The following NBPF3 variants were observed in gnomAD, a reference collection of about 807,000 sequenced individuals.
NBPF3 encodes NBPF member 3.
NBPF3 carries 57 observed loss-of-function variants against 78.1 expected under a neutral mutation model. The observed-to-expected ratio is 0.73, with a 90% CI of 0.59 to 0.91. The LOEUF (loss-of-function observed/expected upper bound fraction) is 0.91, where lower values mean the gene tolerates loss of function less well. NBPF3 is among the 40% of genes least tolerant of loss of function. The pLI is 0.00. For synonymous variants in NBPF3, 182 were observed against 271.7 expected (o/e 0.67, Z 3.25); for missense variants, 510 against 715.3 (o/e 0.71, Z 3.27).
At position 21,460,726 on chromosome 1, in the gene NBPF3, A is replaced by C. The variant is rs1641905712; in HGVS notation, c.134-7962A>C. Among the ~76,000 whole-genome samples, 1 of 152,206 alleles carries C rather than the reference A, an allele frequency of 6.6e-6. No individual in the cohort carries two copies. Among genetic ancestry groups the C allele is most frequent in the African/African-American group, 2.4e-5 (1 of 41,452 alleles). On this transcript the variant is annotated intron_variant, in intron 2 of 14. Transcript: ENST00000318249. This position sits in a 1 kb window ranked among gnomAD's most constrained non-coding sequence, Gnocchi z 4.2. Reference sequence around the variant, plus strand: ...AATGTTTCTTAGACTAGATACTGTAACACTCACCACAATAAGAAATCAAGC... The same window carrying C: ...AATGTTTCTTAGACTAGATACTGTACCACTCACCACAATAAGAAATCAAGC...
intron 2 of NBPF3, among the ~76,000 whole-genome samples, chr1:21,455,554 A>T (rs1265741356): frequency 3.9e-5 from 6 of 152,194 alleles, no homozygotes; most frequent in Non-Finnish European, 8.8e-5. Context: ...CTTAAGGGGG[A>T]AGCCCCATGA....
At chr1:21,464,773 C>G (rs1642161684) in intron 2 of NBPF3, among the ~76,000 whole-genome samples, 1 of 151,558 alleles carries the variant, frequency 6.6e-6, no homozygotes, top group Non-Finnish European at 1.5e-5. Flanking sequence ...TTTTGGAGAA[C>G]TAGGTGGAAG....
Position 21,476,100 on chromosome 1 carries a change from C to G in NBPF3, c.992+1149C>G, listed in dbSNP as rs147701921. ...TCAAAGACTAGGATTGCAACCCCTG[C>G]TTTTTTTTGCTCTCCATTTGCTTGG... On this transcript the variant is annotated intron_variant, in intron 8 of 14. Coordinates refer to ENST00000318249, the MANE Select transcript of NBPF3 (RefSeq NM_032264.6). This position sits in a 1 kb window ranked among gnomAD's most constrained non-coding sequence, Gnocchi z 4.1. Among the ~76,000 whole-genome samples the G allele has an allele frequency of 3.0e-3, 454 of 151,574 alleles. 4 individuals are homozygous for G. Among genetic ancestry groups the G allele is most frequent in the African/African-American group, 0.011 (438 of 41,324 alleles).
chr1:21,445,040 G>C lies in NBPF3; in HGVS notation c.-47G>C, dbSNP rs1317124010. ...AATTGTCCCTTGCCGTCCTCCTGAG[G>C]GTATCTGGAGCTTCAGTGCTGTGTG... On this transcript the variant is annotated 5_prime_UTR_variant, in exon 2 of 15. Transcript: ENST00000318249. The C allele has an allele frequency of 6.3e-7, 1 of 1,581,626 alleles. No homozygotes were observed. Among genetic ancestry groups the C allele is most frequent in the East Asian group, 2.3e-5 (1 of 44,040 alleles).
At chr1:21,441,460 A>G (rs1640642708) in intron 1 of NBPF3, among the ~76,000 whole-genome samples, 1 of 152,142 alleles carries the variant, frequency 6.6e-6, no homozygotes, top group Non-Finnish European at 1.5e-5. Flanking sequence ...TAATCCCAGC[A>G]CTTTGGGACG....
chr1:21,474,915 A>G lies in NBPF3; in HGVS notation c.956A>G (p.His319Arg), dbSNP rs763750500. Reference sequence around the variant, plus strand: ...TTATTTCCAGAAAATGAAAGTGATCATGAGCAAGAGGAAGAAAAAGGGCCA... The same window carrying G: ...TTATTTCCAGAAAATGAAAGTGATCGTGAGCAAGAGGAAGAAAAAGGGCCA... ...VCIIPENESD[H>R]EQEEEKGPVS... Residue 319 changes from histidine to arginine, a missense_variant, in exon 8 of 15, where the codon CAT (histidine) becomes CGT (arginine). Around this residue, in one of 5 missense-constraint regions of NBPF3, gnomAD observed 440 missense variants for 478.2 expected, o/e 0.92. Coordinates refer to ENST00000318249, the MANE Select transcript of NBPF3 (RefSeq NM_032264.6). 10 of 1,603,158 alleles carry G rather than the reference A, an allele frequency of 6.2e-6. No individual in the cohort carries two copies. The Admixed American group carries it at 8.4e-5, about 13-fold the overall frequency.
intron 2 of NBPF3, chr1:21,449,741 G>A (rs1641195816): frequency 6.4e-6 from 1 of 157,316 alleles, no homozygotes; most frequent in South Asian, 2.0e-4. Context: ...AAAGTGCTAG[G>A]ATTACAGACA....
rs917010524 is a variant in NBPF3 at position 21,445,178 on chromosome 1, C to T, written c.92C>T (p.Ser31Leu). ...CCATTCGGTGCACCAAGAGCAGCCT[C>T]ACATGGTGTGGGCCGACATCAAGAG... ...TSPFGAPRAA[S>L]HGVGRHQELR... Residue 31 changes from serine to leucine, a missense_variant, in exon 2 of 15, where the codon TCA (serine) becomes TTA (leucine). Coordinates refer to ENST00000318249, the MANE Select transcript of NBPF3 (RefSeq NM_032264.6). 1.3e-5 allele frequency: 21 copies of T among 1,611,934 alleles called. No homozygotes were observed. The African/African-American group carries it at 2.3e-4, about 17-fold the overall frequency.
chr1:21,458,382 T>TC (rs1237082909), intron 2 of NBPF3, among the ~76,000 whole-genome samples: 9 of 138,118 alleles, frequency 6.5e-5, no homozygotes, highest in Non-Finnish European at 1.5e-4. Context: ...TTTTTTTTTT[T>TC]CCTCTTAATA....
chr1:21,443,059 C>T (rs1640752741), intron 1 of NBPF3, among the ~76,000 whole-genome samples: 1 of 152,144 alleles, frequency 6.6e-6, no homozygotes, highest in South Asian at 2.1e-4. Flanking sequence ...CACTTTTCTT[C>T]ATAAATCGAT....
intron 8 of NBPF3, among the ~76,000 whole-genome samples, chr1:21,477,125 A>G (rs1439879938): frequency 6.6e-6 from 1 of 152,184 alleles, no homozygotes; most frequent in Admixed American, 6.5e-5. Flanking sequence ...TTTCAGCTCC[A>G]TCAGGTCATT....
chr1:21,448,837 T>C (rs1641138207), intron 2 of NBPF3, among the ~76,000 whole-genome samples: 1 of 152,222 alleles, frequency 6.6e-6, no homozygotes, highest in South Asian at 2.1e-4. Flanking sequence ...GTTTTCCCTG[T>C]GACCTCAATT....
At chr1:21,472,351 G>A (rs566781727) in intron 5 of NBPF3, among the ~76,000 whole-genome samples, 10 of 152,242 alleles carry the variant, frequency 6.6e-5, no homozygotes, top group Non-Finnish European at 1.2e-4. Context: ...GGTAGGAAGT[G>A]CTTGATACTG....
chr1:21,457,350 ATATATATATATATG>A (rs1445708630), intron 2 of NBPF3, among the ~76,000 whole-genome samples: 4 of 126,432 alleles, frequency 3.2e-5, no homozygotes, highest in African/African-American at 1.3e-4. Flanking sequence ...GTGTGTGTGT[ATATATATATATATG>A]TATGTATATA....
rs1261662148 is a variant in NBPF3, at chr1:21,473,463, C to A, written c.818C>A (p.Pro273His). ...ATCACTTGTTCAAATAGCCACCACC[C>A]TTGTGAGTCCAACCAGCCTTACGGG... ...CAITCSNSHHPCESNQPYGNT... is the reference protein window; with the variant it reads ...CAITCSNSHHHCESNQPYGNT... The change falls in exon 7 of 15, where the codon CCT (proline) becomes CAT (histidine). Residue 273 changes from proline (P) to histidine (H), a missense_variant. Physicochemically the swap from Pro to His is moderately conservative, Grantham distance 77. Coordinates refer to ENST00000318249, the MANE Select transcript of NBPF3 (RefSeq NM_032264.6). 3.1e-6 allele frequency: 5 copies of A among 1,614,078 alleles called. No individual in the cohort carries two copies. Among genetic ancestry groups the A allele is most frequent in the Non-Finnish European group, 3.4e-6 (4 of 1,180,048 alleles).
intron 2 of NBPF3, among the ~76,000 whole-genome samples, chr1:21,447,651 G>A (rs749600652): frequency 6.6e-6 from 1 of 152,092 alleles, no homozygotes; most frequent in Non-Finnish European, 1.5e-5. Flanking sequence ...TCATTCACTT[G>A]GTGAAAGACA....
chr1:21,477,438 G>T (rs1377078583), intron 8 of NBPF3, among the ~76,000 whole-genome samples: 1 of 152,196 alleles, frequency 6.6e-6, no homozygotes, highest in Admixed American at 6.5e-5. Flanking sequence ...TTTGATGCTG[G>T]TGACCTACAG....
In NBPF3 at chr1:21,473,416, G is replaced by T. The variant is rs769657092; in HGVS notation, c.771G>T (p.Glu257Asp). The stretch of plus-strand genomic sequence containing the variant: ...AGGCTGAAGAAAAGGAAGTCCCTGA[G>T]GACTCACTGGAGGAGTGTGCCATCA... ...VQKAEEKEVP[E>D]DSLEECAITC... is the part of the protein sequence containing the mutation. The change falls in exon 7 of 15, where the codon GAG (glutamate) becomes GAT (aspartate). Residue 257 changes from glutamate to aspartate, a missense_variant. Physicochemically the swap from Glu to Asp is conservative, Grantham distance 45. Transcript: ENST00000318249. The T allele has an allele frequency of 6.2e-7, 1 of 1,614,170 alleles. No individual in the cohort carries two copies. Among genetic ancestry groups the T allele is most frequent in the Admixed American group, 1.7e-5 (1 of 60,022 alleles).
intron 2 of NBPF3, among the ~76,000 whole-genome samples, chr1:21,448,235 A>G (rs940523170): frequency 6.6e-6 from 1 of 152,084 alleles, no homozygotes; most frequent in African/African-American, 2.4e-5. Flanking sequence ...ATTTTCTCTT[A>G]TGTTATCTCC....
Sources: gnomAD v4.1 joint callset for allele counts (sites outside exome capture counted in the v4.1 genomes callset) on GRCh38, gnomAD v4.1.1 for gene constraint, gnomAD v4.1.1 regional missense constraint, Gnocchi (gnomAD v3.1) non-coding constraint, MANE v1.5 for transcripts, NCBI Gene and HGNC (gene_info 2026-07-23, HGNC 2026-07-21) for gene names.